The following CEP128 variants were observed in gnomAD, a reference collection of about 807,000 sequenced individuals.
The protein encoded by CEP128 is centrosomal protein 128kDa.
Under a neutral mutation model 156.7 loss-of-function variants are expected in CEP128, and 132 were observed. The ratio of observed to expected loss-of-function variants is 0.84; its 90% CI spans 0.73 to 0.97. The LOEUF is 0.97. Among genes scored for constraint, CEP128 ranks in the 50% least tolerant of loss-of-function variants. CEP128 has a pLI of 0.00. For synonymous variants in CEP128, 469 were observed against 448.9 expected, an observed-to-expected ratio of 1.04 and a Z score of -0.57; for missense variants, 1,252 against 1,281.9, an observed-to-expected ratio of 0.98 and a Z score of 0.36.
chr14:80,833,784 CG>C (rs995546463), intron 12 of CEP128, among the ~76,000 whole-genome samples: 2 of 151,868 alleles, frequency 1.3e-5, no homozygotes, highest in African/African-American at 4.8e-5. Context: ...ATGCTTAAGC[CG>C]GGGCAGTGGG....
chr14:80,588,842 A>T (rs892474663), intron 19 of CEP128, among the ~76,000 whole-genome samples: 1 of 152,090 alleles, frequency 6.6e-6, no homozygotes, highest in Non-Finnish European at 1.5e-5. Flanking sequence ...AATTTTAGAA[A>T]TATTTTTGCT....
chr14:80,478,313 T>A lies in CEP128; in HGVS notation c.*405A>T, dbSNP rs1316462738. 3.3e-5 allele frequency: 5 copies of A among 152,026 alleles called. No individual in the cohort carries two copies. In the East Asian group the frequency reaches 9.6e-4, roughly 29 times the overall value. 9.4% of individuals were successfully genotyped at this position (152,026 alleles called of 1,614,324 possible). On this transcript the variant is annotated 3_prime_UTR_variant and NMD_transcript_variant, in exon 15 of 15. Transcript: ENST00000554502. ...AGAAGATAGGCATAGCAAAACCTGA[T>A]GCACCATCATGGCTCCACGAGATTT...
At chr14:80,889,533 T>C (rs1157723293) in intron 8 of CEP128, among the ~76,000 whole-genome samples, 3 of 152,156 alleles carry the variant, frequency 2.0e-5, no homozygotes, top group Non-Finnish European at 4.4e-5. Flanking sequence ...GGAGAAAGGA[T>C]TTCCTATTTA....
At chr14:80,685,495 A>G (rs1896489419) in intron 19 of CEP128, among the ~76,000 whole-genome samples, 1 of 152,150 alleles carries the variant, frequency 6.6e-6, no homozygotes, top group African/African-American at 2.4e-5. Flanking sequence ...GAAAGAATCA[A>G]TATCATTAAA....
intron 19 of CEP128, among the ~76,000 whole-genome samples, chr14:80,720,058 T>C (rs1897757053): frequency 6.6e-6 from 1 of 151,934 alleles, no homozygotes; most frequent in African/African-American, 2.4e-5. Context: ...ACATTTCAAC[T>C]GAGACCTAAA....
chr14:80,592,246 A>G (rs1456610053), intron 19 of CEP128, among the ~76,000 whole-genome samples: 1 of 152,028 alleles, frequency 6.6e-6, no homozygotes, highest in Non-Finnish European at 1.5e-5. Context: ...CTAACAAAAT[A>G]GACCACTATC....
At chr14:80,628,816 T>G (rs955363518) in intron 19 of CEP128, among the ~76,000 whole-genome samples, 1 of 148,148 alleles carries the variant, frequency 6.8e-6, no homozygotes, top group South Asian at 2.1e-4. Flanking sequence ...TAGTAGGATG[T>G]GAGCCTATAG....
chr14:80,621,219 C>T (rs568614590), intron 19 of CEP128, among the ~76,000 whole-genome samples: 3 of 152,152 alleles, frequency 2.0e-5, no homozygotes, highest in South Asian at 2.1e-4. Flanking sequence ...GCTAAGCCAA[C>T]GTAAGAAAAG....
At chr14:80,671,008 CTT>C (rs143941975) in intron 19 of CEP128, among the ~76,000 whole-genome samples, 5,826 of 152,070 alleles carry the variant, frequency 0.038, 225 homozygotes, top group East Asian at 0.22. Context: ...GTTTTTCTTT[CTT>C]TCTTTTAACT....
chr14:80,724,902 T>C (rs1393908824), intron 19 of CEP128, among the ~76,000 whole-genome samples: 1 of 150,012 alleles, frequency 6.7e-6, no homozygotes, highest in Admixed American at 6.7e-5. Flanking sequence ...TCACTCTTAC[T>C]TAACTAAACA....
intron 19 of CEP128, among the ~76,000 whole-genome samples, chr14:80,647,020 T>TATAC (rs1894667446): frequency 1.6e-5 from 2 of 128,984 alleles, no homozygotes; most frequent in Non-Finnish European, 3.4e-5. Flanking sequence ...TATGTGTGTG[T>TATAC]ATATATATGT....
chr14:80,565,423 A>C (rs1890872126), intron 20 of CEP128, among the ~76,000 whole-genome samples: 1 of 152,080 alleles, frequency 6.6e-6, no homozygotes, highest in East Asian at 1.9e-4. Context: ...CTGGTCCCCG[A>C]ATGCTTGGGG....
At chr14:80,651,162 G>T (rs1162745122) in intron 19 of CEP128, among the ~76,000 whole-genome samples, 2 of 152,072 alleles carry the variant, frequency 1.3e-5, no homozygotes, top group East Asian at 3.8e-4. Context: ...TATATGTCCA[G>T]GAACTTTTCC....
At chr14:80,487,871 A>C (rs1887204276), downstream of CEP128, among the ~76,000 whole-genome samples, 1 of 152,070 alleles carries the variant, frequency 6.6e-6, no homozygotes, top group African/African-American at 2.4e-5. Flanking sequence ...GGACACATTC[A>C]AAGCAGTGTG....
chr14:80,563,235 C>T (rs527389504), intron 20 of CEP128, among the ~76,000 whole-genome samples: 1 of 151,964 alleles, frequency 6.6e-6, no homozygotes, highest in Non-Finnish European at 1.5e-5. Flanking sequence ...AGGGCTTAAT[C>T]CTGAAAAGAA....
chr14:80,927,602 G>T (rs1401012419), intron 2 of CEP128, among the ~76,000 whole-genome samples: 1 of 152,176 alleles, frequency 6.6e-6, no homozygotes, highest in Non-Finnish European at 1.5e-5. Flanking sequence ...AGTGTGACTG[G>T]GAGGTGGATT....
At chr14:80,597,169 T>C (rs944917670) in intron 19 of CEP128, among the ~76,000 whole-genome samples, 6 of 151,956 alleles carry the variant, frequency 3.9e-5, no homozygotes, top group African/African-American at 1.4e-4. Flanking sequence ...GACAAACCTT[T>C]ACCAAGATTG....
At chr14:80,728,899 T>C (rs1465997813) in intron 19 of CEP128, among the ~76,000 whole-genome samples, 1 of 152,108 alleles carries the variant, frequency 6.6e-6, no homozygotes, top group Non-Finnish European at 1.5e-5. Context: ...CTTTTAACAG[T>C]TTTGTCACTT....
chr14:80,698,827 A>G (rs1566863745), intron 19 of CEP128, among the ~76,000 whole-genome samples: 1 of 152,222 alleles, frequency 6.6e-6, no homozygotes, highest in Non-Finnish European at 1.5e-5. Context: ...TAAGCATTAT[A>G]CAATTTTTCA....
Sources: allele counts gnomAD v4.1 joint callset (sites outside exome capture counted in the v4.1 genomes callset), GRCh38; gene constraint gnomAD v4.1.1; transcripts MANE v1.5; gene names NCBI Gene and HGNC (gene_info 2026-07-23, HGNC 2026-07-21).